SCHIP1: variants seen among roughly 807,000 people sequenced by gnomAD.
SCHIP1 encodes the protein schwannomin-interacting protein 1.
In SCHIP1, 8 loss-of-function variants were observed where a neutral mutation model predicts 29.7. That is an observed-to-expected ratio of 0.27 (90% CI 0.16 to 0.49). SCHIP1 has a LOEUF of 0.49. Among genes scored for constraint, SCHIP1 ranks in the 20% least tolerant of loss-of-function variants. The probability of loss-of-function intolerance (pLI) is 0.99; values close to 1 mark genes in which losing one functional copy is unlikely to be tolerated. For missense variants in SCHIP1, 193 were observed against 294.6 expected (o/e 0.66, Z 2.52); for synonymous variants, 76 against 94.9 (o/e 0.80, Z 1.16).
the SCHIP1 span, among the ~76,000 whole-genome samples, chr3:159,342,332 G>T: frequency 1.3e-5 from 2 of 152,116 alleles, no homozygotes; most frequent in Admixed American, 1.3e-4. Flanking sequence ...TTTAGATAAA[G>T]CTAAGTTTCA....
the SCHIP1 span, among the ~76,000 whole-genome samples, chr3:159,335,481 ATCCC>A: frequency 6.6e-6 from 1 of 151,984 alleles, no homozygotes; most frequent in Admixed American, 6.6e-5. Context: ...TCCTAATGCT[ATCCC>A]TCCCCACTCC....
chr3:159,357,618 G>A, the SCHIP1 span, among the ~76,000 whole-genome samples: 3 of 152,112 alleles, frequency 2.0e-5, no homozygotes, highest in Admixed American at 1.3e-4. Flanking sequence ...CTGAAACAAA[G>A]GTCCTTTATT....
the SCHIP1 span, among the ~76,000 whole-genome samples, chr3:159,449,660 A>T: frequency 3.9e-5 from 6 of 152,180 alleles, no homozygotes; most frequent in Admixed American, 1.3e-4. Flanking sequence ...TAAATATTTC[A>T]TTATTATGTA....
chr3:159,819,613 A>G, the SCHIP1 span, among the ~76,000 whole-genome samples: 126 of 152,338 alleles, frequency 8.3e-4, no homozygotes, highest in Admixed American at 2.0e-3. Context: ...TCCAGTTAAA[A>G]AAACATTTCC....
the SCHIP1 span, among the ~76,000 whole-genome samples, chr3:159,311,590 T>C: frequency 6.6e-6 from 1 of 152,162 alleles, no homozygotes; most frequent in Non-Finnish European, 1.5e-5. Context: ...TTACGTAATA[T>C]ACACCAAAAT....
the SCHIP1 span, among the ~76,000 whole-genome samples, chr3:159,412,122 T>C: frequency 2.0e-5 from 3 of 152,204 alleles, no homozygotes; most frequent in South Asian, 2.1e-4. Flanking sequence ...CCATACCCAG[T>C]TTACAGCTGA....
At chr3:159,544,809 T>C in the SCHIP1 span, among the ~76,000 whole-genome samples, 1 of 152,142 alleles carries the variant, frequency 6.6e-6, no homozygotes, top group African/African-American at 2.4e-5. Flanking sequence ...CCTTTTCACT[T>C]GTTAAATGTG....
At chr3:159,731,071 T>A in the SCHIP1 span, among the ~76,000 whole-genome samples, 1 of 152,204 alleles carries the variant, frequency 6.6e-6, no homozygotes, top group Admixed American at 6.5e-5. Flanking sequence ...AATTCCGTTT[T>A]TAAAAGATCC....
At chr3:159,561,029 CAG>C in the SCHIP1 span, among the ~76,000 whole-genome samples, 2 of 152,158 alleles carry the variant, frequency 1.3e-5, no homozygotes, top group African/African-American at 2.4e-5. Flanking sequence ...ATTTCAGAAA[CAG>C]AAATAATCCT....
upstream of SCHIP1, among the ~76,000 whole-genome samples, chr3:159,838,851 G>A (rs1395466594): frequency 6.9e-6 from 1 of 144,422 alleles, no homozygotes; most frequent in African/African-American, 2.6e-5. Context: ...CTCAGATCTC[G>A]CCACTCGCCA....
chr3:159,817,067 T>C, the SCHIP1 span, among the ~76,000 whole-genome samples: 57 of 152,314 alleles, frequency 3.7e-4, no homozygotes, highest in African/African-American at 1.3e-3. Context: ...TGGGACTGTG[T>C]CTTATCTCTG....
chr3:159,716,889 C>G, the SCHIP1 span, among the ~76,000 whole-genome samples: 3 of 152,138 alleles, frequency 2.0e-5, no homozygotes, highest in African/African-American at 7.2e-5. Context: ...CCAAGTGGAC[C>G]TAATACACAT....
the SCHIP1 span, among the ~76,000 whole-genome samples, chr3:159,787,197 A>T: frequency 6.6e-6 from 1 of 152,224 alleles, no homozygotes; most frequent in Non-Finnish European, 1.5e-5. Flanking sequence ...CTCCCAGGTG[A>T]CTTAATTTAA....
At chr3:159,278,907 C>T in the SCHIP1 span, among the ~76,000 whole-genome samples, 2 of 152,126 alleles carry the variant, frequency 1.3e-5, no homozygotes, top group Admixed American at 1.3e-4. Flanking sequence ...TCAGAGAACC[C>T]AGGATGGTGG....
chr3:159,389,283 C>T, the SCHIP1 span, among the ~76,000 whole-genome samples: 4 of 151,956 alleles, frequency 2.6e-5, no homozygotes, highest in African/African-American at 9.7e-5. Flanking sequence ...TTAATCCTCA[C>T]AAAAATTTTA....
chr3:159,737,720 T>C, the SCHIP1 span, among the ~76,000 whole-genome samples: 1 of 152,242 alleles, frequency 6.6e-6, no homozygotes, highest in Non-Finnish European at 1.5e-5. Context: ...AAGTGTTTAC[T>C]CTTTCCATGA....
chr3:159,415,477 G>A, the SCHIP1 span, among the ~76,000 whole-genome samples: 65 of 152,200 alleles, frequency 4.3e-4, no homozygotes, highest in Middle Eastern at 3.4e-3. Context: ...ACACCCTGGT[G>A]TCTGTTGTTC....
At chr3:159,526,477 C>A in the SCHIP1 span, among the ~76,000 whole-genome samples, 1 of 152,088 alleles carries the variant, frequency 6.6e-6, no homozygotes, top group African/African-American at 2.4e-5. Context: ...CCTGAGATAA[C>A]TTATTGAACT....
chr3:159,491,791 G>A, the SCHIP1 span, among the ~76,000 whole-genome samples: 16 of 152,340 alleles, frequency 1.1e-4, 1 homozygote, highest in Middle Eastern at 3.4e-3. Context: ...CTGAGAACAG[G>A]CAGACTGCCT....
Sources: allele counts gnomAD v4.1 joint callset (sites outside exome capture counted in the v4.1 genomes callset), GRCh38; gene constraint gnomAD v4.1.1; transcripts MANE v1.5; gene names NCBI Gene and HGNC (gene_info 2026-07-23, HGNC 2026-07-21).